ASXL3: variants seen among roughly 807,000 people sequenced by gnomAD.
ASXL3 encodes the protein ASXL transcriptional regulator 3, also known as putative Polycomb group protein ASXL3.
In ASXL3, 34 loss-of-function variants were observed where a neutral mutation model predicts 170.6. That is an observed-to-expected ratio of 0.20 (90% CI 0.15 to 0.27). The LOEUF (loss-of-function observed/expected upper bound fraction) is 0.27. Among genes scored for constraint, ASXL3 ranks in the 10% least tolerant of loss-of-function variants. The probability of loss-of-function intolerance (pLI) is 1.00; values close to 1 mark genes in which losing one functional copy is unlikely to be tolerated. For missense variants in ASXL3, 2,592 were observed against 2,695.3 expected, an observed-to-expected ratio of 0.96 and a Z score of 0.85; for synonymous variants, 1,002 against 989.1, an observed-to-expected ratio of 1.01 and a Z score of -0.24.
intron 11 of ASXL3, among the ~76,000 whole-genome samples, chr18:33,741,032 A>G (rs1297819719): frequency 6.6e-6 from 1 of 152,106 alleles, no homozygotes; most frequent in Non-Finnish European, 1.5e-5. Flanking sequence ...TTTATGTATG[A>G]CTCATGTTCT....
At chr18:33,698,647 A>C (rs1219106311) in intron 8 of ASXL3, among the ~76,000 whole-genome samples, 2 of 152,134 alleles carry the variant, frequency 1.3e-5, no homozygotes, top group Non-Finnish European at 2.9e-5. Flanking sequence ...TCCAAATGTT[A>C]ATGGCTGAAT....
intron 4 of ASXL3, among the ~76,000 whole-genome samples, chr18:33,655,315 T>C (rs905285213): frequency 1.3e-5 from 2 of 152,030 alleles, no homozygotes; most frequent in African/African-American, 2.4e-5. Context: ...TTATAAAATA[T>C]AGTAATCATT....
intron 8 of ASXL3, among the ~76,000 whole-genome samples, chr18:33,695,501 A>G (rs2066758211): frequency 6.6e-6 from 1 of 152,126 alleles, no homozygotes; most frequent in Non-Finnish European, 1.5e-5. Flanking sequence ...GGAGGAAAGT[A>G]ATTTTACCTA....
At chr18:33,706,672 T>A (rs1204256860) in intron 8 of ASXL3, among the ~76,000 whole-genome samples, 2 of 151,862 alleles carry the variant, frequency 1.3e-5, no homozygotes, top group Non-Finnish European at 1.5e-5. Flanking sequence ...GTATTTTTTT[T>A]ATTGGGTCAT....
chr18:33,638,619 G>A (rs972035424), intron 2 of ASXL3, among the ~76,000 whole-genome samples: 1 of 152,194 alleles, frequency 6.6e-6, no homozygotes, highest in African/African-American at 2.4e-5. Context: ...TATGGAGAGA[G>A]AATGTGAGAT....
chr18:33,683,614 A>G (rs1471918828), intron 8 of ASXL3, 46 bp downstream of exon 8: 4 of 1,535,530 alleles, frequency 2.6e-6, no homozygotes, highest in Non-Finnish European at 3.5e-6. Flanking sequence ...TAGTTATATT[A>G]TGATGAAGTG....
intron 8 of ASXL3, among the ~76,000 whole-genome samples, chr18:33,720,787 T>G (rs2067245994): frequency 1.3e-5 from 2 of 152,150 alleles, no homozygotes; most frequent in Admixed American, 6.6e-5. Flanking sequence ...TTACTGATTT[T>G]GCCACAGGCT....
chr18:33,616,398 C>CTT (rs2065422329), intron 2 of ASXL3, among the ~76,000 whole-genome samples: 1 of 149,548 alleles, frequency 6.7e-6, no homozygotes, highest in Non-Finnish European at 1.5e-5. Context: ...TTGTGTGTGC[C>CTT]TGTGTGTGTG....
chr18:33,706,001 A>G (rs543278278), intron 8 of ASXL3, among the ~76,000 whole-genome samples: 2 of 151,778 alleles, frequency 1.3e-5, no homozygotes, highest in African/African-American at 4.8e-5. Context: ...ATCATTCAGT[A>G]TGTACTCTGT....
chr18:33,693,456 A>C (rs919570448), intron 8 of ASXL3, among the ~76,000 whole-genome samples: 2 of 152,210 alleles, frequency 1.3e-5, no homozygotes, highest in South Asian at 4.1e-4. Context: ...ATAGGGAAGC[A>C]GGAAAGAAAG....
In ASXL3 at chr18:33,739,120, A is replaced by G. The variant is rs1334155381; in HGVS notation, c.1716A>G (p.Ile572Met). ...ETAVETSTPK[I>M]KTGSSSLEGQ... is the part of the protein sequence containing the mutation. ...CAGTAGAGACCAGTACCCCCAAAAT[A>G]AAAACAGGGTCATCTTCTCTAGAAG... Residue 572 changes from isoleucine (I) to methionine (M), a missense_variant, in exon 11 of 12, where the codon ATA becomes ATG. This residue lies in a region of ASXL3 where 2,246 missense variants were observed against 2,219.6 expected (regional missense o/e 1.01). Transcript: ENST00000269197. 6.2e-7 allele frequency: 1 copy of G among 1,613,348 alleles called. No homozygotes were observed. The highest frequency in any genetic ancestry group is 1.3e-5 in the African/African-American group (1 of 74,928).
At chr18:33,691,663 G>GAA (rs1156922800) in intron 8 of ASXL3, among the ~76,000 whole-genome samples, 4 of 152,146 alleles carry the variant, frequency 2.6e-5, no homozygotes, top group Non-Finnish European at 5.9e-5. Context: ...AGATGTAAAA[G>GAA]CCTGTAATTA....
At chr18:33,634,511 A>G (rs1373628078) in intron 2 of ASXL3, among the ~76,000 whole-genome samples, 1 of 152,138 alleles carries the variant, frequency 6.6e-6, no homozygotes, top group Non-Finnish European at 1.5e-5. Flanking sequence ...TGAACATTTA[A>G]GTTATTTACA....
chr18:33,728,826 CT>C (rs2145389911), intron 8 of ASXL3, among the ~76,000 whole-genome samples: 1 of 152,310 alleles, frequency 6.6e-6, no homozygotes, highest in Non-Finnish European at 1.5e-5. Flanking sequence ...TGTTACACAG[CT>C]ACCAAAGTCA....
rs749044544 is a variant in ASXL3 at position 33,743,087 on chromosome 18, C to T, written c.3239C>T (p.Ala1080Val). 1.7e-5 allele frequency: 27 copies of T among 1,613,162 alleles called. No homozygotes were observed. The highest frequency in any genetic ancestry group is 2.2e-5 in the East Asian group (1 of 44,846). Residue 1080 changes from alanine to valine, a missense_variant, in exon 12 of 12, where the codon GCG (alanine) becomes GTG (valine). Physicochemically the swap from Ala to Val is moderately conservative, Grantham distance 64 (BLOSUM62 0). Transcript: ENST00000269197. ...AAAAAAVAAA[A>V]SIVSGAMGSP... ...GCAGCTGCTGCTGTGGCTGCTGCAG[C>T]GAGCATTGTCTCTGGAGCCATGGGA...
chr18:33,659,578 T>A (rs2066139669), intron 4 of ASXL3, among the ~76,000 whole-genome samples: 1 of 152,110 alleles, frequency 6.6e-6, no homozygotes, highest in South Asian at 2.1e-4. Flanking sequence ...CTTCAGAACA[T>A]TGAAAAGGCT....
At chr18:33,715,203 G>A (rs919659088) in intron 8 of ASXL3, among the ~76,000 whole-genome samples, 3 of 152,124 alleles carry the variant, frequency 2.0e-5, no homozygotes, top group African/African-American at 7.2e-5. Context: ...GTGCATGTGT[G>A]GATGTGTTAA....
chr18:33,627,258 G>A (rs772791220), intron 2 of ASXL3, among the ~76,000 whole-genome samples: 4 of 152,180 alleles, frequency 2.6e-5, no homozygotes, highest in Admixed American at 2.6e-4. Flanking sequence ...GATTGGTGTC[G>A]CTCACATATG....
intron 1 of ASXL3, among the ~76,000 whole-genome samples, chr18:33,604,517 A>C (rs2065222882): frequency 6.6e-6 from 1 of 152,002 alleles, no homozygotes; most frequent in Non-Finnish European, 1.5e-5. Context: ...CAGAGAGTGA[A>C]GTATAATATT....
Sources: gnomAD v4.1 joint callset for allele counts (sites outside exome capture counted in the v4.1 genomes callset) on GRCh38, gnomAD v4.1.1 for gene constraint, gnomAD v4.1.1 regional missense constraint, MANE v1.5 for transcripts, NCBI Gene and HGNC (gene_info 2026-07-23, HGNC 2026-07-21) for gene names.